Variants in ACTR3C observed in about 807,000 individuals in gnomAD.
ACTR3C encodes actin-related protein 3C.
A neutral mutation model predicts 26.3 loss-of-function variants in ACTR3C; 18 were observed. That is an observed-to-expected ratio of 0.68 (90% CI 0.47 to 1.01). ACTR3C has a LOEUF of 1.01. ACTR3C is among the 50% of genes least tolerant of loss of function. ACTR3C has a pLI of 0.00. For missense variants in ACTR3C, 184 were observed against 250.7 expected (o/e 0.73, Z 1.80); for synonymous variants, 55 against 94.5 (o/e 0.58, Z 2.42).
chr7:150,019,601 AT>A, the ACTR3C span, among the ~76,000 whole-genome samples: 8 of 31,504 alleles, frequency 2.5e-4, no homozygotes, highest in East Asian at 0.025. Flanking sequence ...AAAAATAAAA[AT>A]AATAATAATA....
At chr7:150,312,340 C>G (rs562735224) in intron 1 of ACTR3C, among the ~76,000 whole-genome samples, 5 of 152,318 alleles carry the variant, frequency 3.3e-5, no homozygotes, top group Non-Finnish European at 7.3e-5. Flanking sequence ...TGCGTAGGCT[C>G]TGCAATCAAA....
the ACTR3C span, among the ~76,000 whole-genome samples, chr7:150,108,572 G>T: frequency 2.7e-5 from 4 of 148,660 alleles, no homozygotes; most frequent in Admixed American, 2.0e-4. Flanking sequence ...TTGGGGGGTG[G>T]GGCCTTTTGG....
At chr7:149,934,333 T>G in the ACTR3C span, among the ~76,000 whole-genome samples, 1 of 152,178 alleles carries the variant, frequency 6.6e-6, no homozygotes, top group African/African-American at 2.4e-5. Context: ...ATTCCAGGTG[T>G]CGAGTTTGAC....
chr7:149,921,812 G>C, the ACTR3C span, among the ~76,000 whole-genome samples: 1 of 152,130 alleles, frequency 6.6e-6, no homozygotes, highest in Non-Finnish European at 1.5e-5. Context: ...AGGAGGCAGA[G>C]GTTGCAGTAA....
chr7:149,910,339 A>G, the ACTR3C span, among the ~76,000 whole-genome samples: 3 of 152,166 alleles, frequency 2.0e-5, no homozygotes, highest in East Asian at 5.8e-4. Context: ...TCATCATCTC[A>G]TTTCAGAAGG....
chr7:150,046,356 C>CCCCCA, the ACTR3C span, among the ~76,000 whole-genome samples: 6 of 80,306 alleles, frequency 7.5e-5, no homozygotes, highest in Non-Finnish European at 1.6e-4. Context: ...CGCCCCCCCC[C>CCCCCA]CCCCGACCCA....
the ACTR3C span, among the ~76,000 whole-genome samples, chr7:150,093,304 T>C: frequency 6.6e-6 from 1 of 151,250 alleles, no homozygotes; most frequent in Non-Finnish European, 1.5e-5. Flanking sequence ...TAATGCTTGA[T>C]CGGTGATTTT....
intron 1 of ACTR3C, among the ~76,000 whole-genome samples, chr7:150,312,387 C>G (rs1796404446): frequency 6.6e-6 from 1 of 152,178 alleles, no homozygotes; most frequent in South Asian, 2.1e-4. Flanking sequence ...CCACTCACAC[C>G]TATGGGAAAA....
intron 6 of ACTR3C, among the ~76,000 whole-genome samples, chr7:150,251,806 GTTTA>G (rs1251347951): frequency 6.6e-6 from 1 of 152,016 alleles, no homozygotes; most frequent in East Asian, 1.9e-4. Context: ...TTAGGTTTTT[GTTTA>G]TTATCCTTTT....
At chr7:149,988,560 G>C in the ACTR3C span, among the ~76,000 whole-genome samples, 22 of 152,334 alleles carry the variant, frequency 1.4e-4, no homozygotes, top group African/African-American at 5.3e-4. Context: ...CATTTTACAA[G>C]CAAGGAAAGA....
the ACTR3C span, among the ~76,000 whole-genome samples, chr7:149,981,638 C>A: frequency 6.6e-6 from 1 of 150,890 alleles, no homozygotes; most frequent in African/African-American, 2.4e-5. Flanking sequence ...CAGCACCTCC[C>A]ATATATACTG....
At chr7:150,021,918 C>G in the ACTR3C span, among the ~76,000 whole-genome samples, 1 of 151,556 alleles carries the variant, frequency 6.6e-6, no homozygotes, top group Non-Finnish European at 1.5e-5. Flanking sequence ...GTGAGTTGTA[C>G]TGCTATAGGC....
the ACTR3C span, among the ~76,000 whole-genome samples, chr7:150,043,913 G>A: frequency 0.47 from 71,096 of 152,024 alleles, 17,725 homozygotes; most frequent in East Asian, 0.68. Context: ...TATACCAATG[G>A]AAAACCAAGG....
the ACTR3C span, among the ~76,000 whole-genome samples, chr7:150,189,017 G>A: frequency 2.7e-5 from 4 of 150,686 alleles, no homozygotes; most frequent in Admixed American, 1.3e-4. Flanking sequence ...GAGTTCACAC[G>A]GATACCACCA....
intron 6 of ACTR3C, among the ~76,000 whole-genome samples, chr7:150,281,410 C>T (rs570791898): frequency 6.0e-5 from 9 of 150,574 alleles, no homozygotes; most frequent in South Asian, 2.1e-4. Context: ...CAGAAGGGAG[C>T]GTAGCAGGGA....
chr7:150,004,010 C>T, the ACTR3C span, among the ~76,000 whole-genome samples: 1 of 147,036 alleles, frequency 6.8e-6, no homozygotes, highest in Non-Finnish European at 1.5e-5. Context: ...GGTTGTGTGG[C>T]ATGTGGTGTG....
At chr7:150,032,201 AG>A in the ACTR3C span, among the ~76,000 whole-genome samples, 46 of 152,360 alleles carry the variant, frequency 3.0e-4, no homozygotes, top group Admixed American at 1.1e-3. Flanking sequence ...ATTCAGATGC[AG>A]GAACAGTCAC....
the ACTR3C span, among the ~76,000 whole-genome samples, chr7:150,009,994 C>A: frequency 2.0e-5 from 3 of 152,240 alleles, no homozygotes; most frequent in East Asian, 5.8e-4. Context: ...CAGTGCCTTC[C>A]TGCTACTCTT....
chr7:150,243,646 T>G (rs1039710028), downstream of ACTR3C, among the ~76,000 whole-genome samples: 1 of 152,202 alleles, frequency 6.6e-6, no homozygotes, highest in Non-Finnish European at 1.5e-5. Context: ...GTAGTATTCA[T>G]GTATAACCTA....
Sources: gnomAD v4.1 joint callset for allele counts (sites outside exome capture counted in the v4.1 genomes callset) on GRCh38, gnomAD v4.1.1 for gene constraint, MANE v1.5 for transcripts, NCBI Gene and HGNC (gene_info 2026-07-23, HGNC 2026-07-21) for gene names.